FRAS1: variants seen among roughly 807,000 people sequenced by gnomAD.
FRAS1 encodes Fraser extracellular matrix complex subunit 1.
Under a neutral mutation model 435.2 loss-of-function variants are expected in FRAS1, and 290 were observed. The observed-to-expected ratio is 0.67, with a 90% CI of 0.61 to 0.73. The LOEUF is 0.73. Among genes scored for constraint, FRAS1 ranks in the 30% least tolerant of loss-of-function variants. FRAS1 has a pLI of 0.00. For synonymous variants in FRAS1, 1,800 were observed against 1,851.0 expected, an observed-to-expected ratio of 0.97 and a Z score of 0.71; for missense variants, 4,860 against 5,001.5, an observed-to-expected ratio of 0.97 and a Z score of 0.85.
In FRAS1 at chr4:78,441,211, C is replaced by T; in HGVS notation, c.5579C>T (p.Thr1860Ile). ...CTCTCATTTCACCATTTTTTTGCTACTGATGATGATGACAACCTCCAGAGA... is the reference window on the plus strand; with the variant it reads ...CTCTCATTTCACCATTTTTTTGCTATTGATGATGATGACAACCTCCAGAGA... Reference protein sequence around the residue: ...APLSFHHFFATDDDDNLQRDA... With the variant: ...APLSFHHFFAIDDDDNLQRDA... Residue 1860 changes from threonine to isoleucine, a missense_variant, in exon 41 of 74, where the codon ACT becomes ATT. By Grantham distance (89) the Thr-to-Ile change is moderately conservative. Transcript: ENST00000512123. 1 of 1,613,624 alleles carries T rather than the reference C, an allele frequency of 6.2e-7. No individual in the cohort carries two copies. The highest frequency in any genetic ancestry group is 1.1e-5 in the South Asian group (1 of 91,068).
intron 19 of FRAS1, among the ~76,000 whole-genome samples, 163 bp downstream of exon 19, chr4:78,333,575 G>A (rs1282322116): frequency 6.6e-6 from 1 of 152,172 alleles, no homozygotes; most frequent in Admixed American, 6.5e-5. Flanking sequence ...AGGGGAACAA[G>A]TGAAATTTAG....
intron 51 of FRAS1, 73 bp from the exon 52 acceptor site, chr4:78,472,107 A>G: frequency 6.9e-7 from 1 of 1,449,030 alleles, no homozygotes; most frequent in Non-Finnish European, 9.7e-7. Context: ...AACTGAATTA[A>G]ATCTGAGTCA....
chr4:78,478,783 C>G lies in FRAS1; in HGVS notation c.8099-591C>G, dbSNP rs531500299. 2.0e-5 allele frequency among the ~76,000 whole-genome samples: 3 copies of G among 152,246 alleles called. No individual in the cohort carries two copies. In the East Asian group the frequency reaches 5.8e-4, roughly 29 times the overall value. On this transcript the variant is annotated intron_variant, in intron 55 of 73. Transcript: ENST00000512123. The stretch of plus-strand genomic sequence containing the variant: ...AACAAATACTGTAGATAGCAAAAAC[C>G]CTTGGTAATGCCACTTGGAAAACAA...
chr4:78,267,146 T>C (rs1431384973), intron 8 of FRAS1, 95 bp from the exon 9 acceptor site: 2 of 1,267,028 alleles, frequency 1.6e-6, no homozygotes, highest in East Asian at 2.5e-5. Flanking sequence ...AAGAGCCATG[T>C]AGAGCTTTGG....
Position 78,284,450 on chromosome 4 carries a change from A to G in FRAS1, c.1301A>G (p.His434Arg). 6.2e-7 allele frequency: 1 copy of G among 1,613,856 alleles called. No homozygotes were observed. Among genetic ancestry groups the G allele is most frequent in the Non-Finnish European group, 8.5e-7 (1 of 1,179,828 alleles). Residue 434 changes from histidine to arginine, a missense_variant, in exon 13 of 74, where the codon CAC (histidine) becomes CGC (arginine). His to Arg is a conservative substitution (Grantham distance 29, BLOSUM62 0). Transcript: ENST00000512123. ...TTGACATGCTCTCAGTCTCCAGACCACTGTGACCTCTGCCAAGATCCTACC... is the reference window on the plus strand; with the variant it reads ...TTGACATGCTCTCAGTCTCCAGACCGCTGTGACCTCTGCCAAGATCCTACC... ...DCLTCSQSPD[H>R]CDLCQDPTKL...
intron 2 of FRAS1, among the ~76,000 whole-genome samples, chr4:78,182,423 AAAG>A (rs759404935): frequency 7.3e-4 from 111 of 152,330 alleles, no homozygotes; most frequent in Non-Finnish European, 1.0e-3. Flanking sequence ...GTAACCAGGC[AAAG>A]AAGAAGGGTG....
intron 2 of FRAS1, among the ~76,000 whole-genome samples, chr4:78,152,482 C>T (rs1021801495): frequency 2.0e-5 from 3 of 152,062 alleles, no homozygotes; most frequent in African/African-American, 7.2e-5. Flanking sequence ...GGCTTTAATT[C>T]AGACCTAATT....
At chr4:78,190,999 T>C (rs1389158986) in intron 2 of FRAS1, among the ~76,000 whole-genome samples, 1 of 152,152 alleles carries the variant, frequency 6.6e-6, no homozygotes, top group African/African-American at 2.4e-5. Flanking sequence ...AGACCAGAGC[T>C]CACTTGCTGT....
intron 29 of FRAS1, among the ~76,000 whole-genome samples, chr4:78,392,754 C>T (rs140971006): frequency 8.5e-4 from 129 of 151,530 alleles, no homozygotes; most frequent in African/African-American, 2.9e-3. Context: ...GGTAATATAA[C>T]TAATTTCTTG....
chr4:78,491,944 C>A (rs917230902), intron 59 of FRAS1, among the ~76,000 whole-genome samples: 1 of 152,224 alleles, frequency 6.6e-6, no homozygotes, highest in Non-Finnish European at 1.5e-5. Flanking sequence ...TGATAAGGAA[C>A]TTCAGCAAAG....
chr4:78,391,144 C>T (rs1469177057), intron 29 of FRAS1, among the ~76,000 whole-genome samples: 4 of 152,188 alleles, frequency 2.6e-5, no homozygotes, highest in African/African-American at 9.7e-5. Flanking sequence ...GCCCTTGGGG[C>T]ACCTCTGTGA....
chr4:78,431,764 A>G (rs1451356420), intron 37 of FRAS1, among the ~76,000 whole-genome samples: 1 of 152,148 alleles, frequency 6.6e-6, no homozygotes, highest in Admixed American at 6.5e-5. Context: ...CACATTTTCC[A>G]CAAAGGTATG....
chr4:78,332,828 C>A (rs345494), intron 18 of FRAS1, among the ~76,000 whole-genome samples: 107,262 of 152,082 alleles, frequency 0.71, 38,218 homozygotes, highest in Non-Finnish European at 0.74. Context: ...TCCATCATAG[C>A]GTAGGCACTT....
chr4:78,281,292 G>A (rs1727318281), intron 10 of FRAS1, 106 bp from the exon 11 acceptor site: 2 of 700,352 alleles, frequency 2.9e-6, no homozygotes, highest in Non-Finnish European at 4.7e-6. Context: ...AGTGAATAAA[G>A]TTGCATGTTC....
At chr4:78,481,650 A>G (rs773662672) in intron 56 of FRAS1, among the ~76,000 whole-genome samples, 154 bp from the exon 57 acceptor site, 1 of 152,196 alleles carries the variant, frequency 6.6e-6, no homozygotes, top group Non-Finnish European at 1.5e-5. Flanking sequence ...CCTTCACCTC[A>G]GATGGGCCAT....
chr4:78,459,418 G>A (rs776634459), intron 47 of FRAS1, among the ~76,000 whole-genome samples: 10 of 152,242 alleles, frequency 6.6e-5, no homozygotes, highest in Non-Finnish European at 1.0e-4. Context: ...CACATGTTTG[G>A]TAGCAACATG....
chr4:78,356,869 G>GAC (rs143588131), intron 20 of FRAS1, among the ~76,000 whole-genome samples: 22 of 151,602 alleles, frequency 1.5e-4, no homozygotes, highest in Admixed American at 6.6e-4. Flanking sequence ...ACTGAAAAAA[G>GAC]ACACACACAC....
intron 30 of FRAS1, among the ~76,000 whole-genome samples, chr4:78,407,455 A>G (rs1381877523): frequency 1.3e-5 from 2 of 152,196 alleles, no homozygotes; most frequent in Non-Finnish European, 2.9e-5. Flanking sequence ...TAGTTCTTTT[A>G]GCAGAAAGCC....
At chr4:78,098,472 A>G (rs545662658) in intron 2 of FRAS1, among the ~76,000 whole-genome samples, 1 of 151,888 alleles carries the variant, frequency 6.6e-6, no homozygotes, top group South Asian at 2.1e-4. Context: ...ACGGGGTTTC[A>G]CCATGTTGGC....
Sources: allele counts gnomAD v4.1 joint callset (sites outside exome capture counted in the v4.1 genomes callset), GRCh38; gene constraint gnomAD v4.1.1; transcripts MANE v1.5; gene names NCBI Gene and HGNC (gene_info 2026-07-23, HGNC 2026-07-21).